Variants in GEN1 observed in about 807,000 individuals in gnomAD.
GEN1 encodes flap endonuclease GEN homolog 1.
Under a neutral mutation model 67.6 loss-of-function variants are expected in GEN1, and 64 were observed. That is an observed-to-expected ratio of 0.95 (90% CI 0.77 to 1.17). The LOEUF (loss-of-function observed/expected upper bound fraction) is 1.17, where lower values mean the gene tolerates loss of function less well. Among genes scored for constraint, GEN1 ranks in the 50% most tolerant of loss-of-function variants. The pLI, the probability that GEN1 is intolerant of heterozygous loss-of-function variation, is 0.00. For missense variants in GEN1, 1,058 were observed against 1,048.3 expected (o/e 1.01, Z -0.13); for synonymous variants, 371 against 359.4 (o/e 1.03, Z -0.37).
At chr2:17,768,211 A>G (rs975674267) in intron 5 of GEN1, among the ~76,000 whole-genome samples, 8 of 152,234 alleles carry the variant, frequency 5.3e-5, no homozygotes, top group Non-Finnish European at 7.4e-5. Flanking sequence ...AGGAATATAC[A>G]TTAAGGCATA....
In GEN1 at chr2:17,761,663, A is replaced by G. The variant is rs374852232; in HGVS notation, c.348+81A>G. 47 of 937,270 alleles carry G rather than the reference A, an allele frequency of 5.0e-5. No homozygotes were observed. The African/African-American group carries it at 6.9e-4, about 14-fold the overall frequency. The allele number at this position is 937,270 out of a possible 1,614,324, so 58.1% of individuals were successfully genotyped here. Reference sequence around the variant, plus strand: ...CTCTTAATAGTTTGTCATCTTTAATACTTATTAATTTTATTGTGACTAGCA... The same window carrying G: ...CTCTTAATAGTTTGTCATCTTTAATGCTTATTAATTTTATTGTGACTAGCA... On this transcript the variant is annotated intron_variant, in intron 3 of 13. Coordinates refer to ENST00000381254, the MANE Select transcript of GEN1 (RefSeq NM_001130009.3).
intron 4 of GEN1, among the ~76,000 whole-genome samples, chr2:17,765,820 T>G (rs928706157): frequency 1.3e-5 from 2 of 152,146 alleles, no homozygotes; most frequent in African/African-American, 4.8e-5. Flanking sequence ...CTACTTTTAC[T>G]TAAAAAACGT....
rs151284068 is a variant in GEN1 at position 17,757,729 on chromosome 2, G to C, written c.-15-2200G>C. On this transcript the variant is annotated intron_variant, in intron 1 of 13. Coordinates refer to ENST00000381254, the MANE Select transcript of GEN1 (RefSeq NM_001130009.3). ...ATATTCAAGTACTTGTAAATTTGCA[G>C]AACAGTACTTTTTAATTTGACCCAT... is the stretch of plus-strand genomic sequence containing the variant. 2.8e-3 allele frequency among the ~76,000 whole-genome samples: 420 copies of C among 152,242 alleles called. 3 individuals are homozygous for C. Among genetic ancestry groups the C allele is most frequent in the African/African-American group, 9.5e-3 (394 of 41,538 alleles).
chr2:17,774,986 CAG>C (rs1466355668), intron 11 of GEN1, among the ~76,000 whole-genome samples: 1 of 151,824 alleles, frequency 6.6e-6, no homozygotes, highest in Non-Finnish European at 1.5e-5. Flanking sequence ...GAAGTGAAGA[CAG>C]ATAAAATATA....
chr2:17,770,793 A>G (rs1020457635), intron 6 of GEN1, among the ~76,000 whole-genome samples: 38 of 151,952 alleles, frequency 2.5e-4, no homozygotes, highest in African/African-American at 8.7e-4. Context: ...TCTTTCTGAT[A>G]TAGAGAAATG....
chr2:17,774,509 C>T (rs913419544), intron 11 of GEN1, 108 bp downstream of exon 11: 6 of 782,326 alleles, frequency 7.7e-6, no homozygotes, highest in African/African-American at 1.8e-5. Context: ...GAGGAAAGGC[C>T]TCCTGGAATA....
At chr2:17,754,540 C>T (rs1022211927) in intron 1 of GEN1, 195 bp downstream of exon 1, 2 of 152,236 alleles carry the variant, frequency 1.3e-5, no homozygotes, top group Non-Finnish European at 2.9e-5. Context: ...CTCGCGAGGG[C>T]CCTGCGTCAC....
chr2:17,781,139 A>G lies in GEN1; in HGVS notation c.1927A>G (p.Ile643Val), dbSNP rs1031268618. Residue 643 changes from isoleucine to valine, a missense_variant, in exon 14 of 14, where the codon ATA becomes GTA. Transcript: ENST00000381254. ...SCESERYTAN[I>V]KKVLDEDSDG... ...TGAATCAGAAAGGTACACTGCAAAC[A>G]TAAAGAAAGTGTTGGATGAGGATTC... 6.2e-7 allele frequency: 1 copy of G among 1,613,998 alleles called. No individual in the cohort carries two copies. Among genetic ancestry groups the G allele is most frequent in the Non-Finnish European group, 8.5e-7 (1 of 1,179,904 alleles).
At chr2:17,759,671 A>T (rs1671584361) in intron 1 of GEN1, among the ~76,000 whole-genome samples, 1 of 152,158 alleles carries the variant, frequency 6.6e-6, no homozygotes, top group Admixed American at 6.5e-5. Flanking sequence ...TCAAGTAGAC[A>T]AAAATGATTT....
intron 4 of GEN1, 172 bp downstream of exon 4, chr2:17,765,245 C>T: frequency 7.0e-6 from 4 of 574,388 alleles, no homozygotes; most frequent in Non-Finnish European, 1.2e-5. Flanking sequence ...TCATTCTCTT[C>T]AAAATGTGGA....
At position 17,760,109 on chromosome 2, in the gene GEN1, A is replaced by T. The variant is rs201006072; in HGVS notation, c.161+5A>T. The T allele has an allele frequency of 1.2e-5, 20 of 1,613,522 alleles. No individual in the cohort carries two copies. The East Asian group carries it at 4.2e-4, about 34-fold the overall frequency. On this transcript the variant is annotated splice_donor_5th_base_variant and intron_variant, in intron 2 of 13. Transcript: ENST00000381254. ...CGTCATGAAGCCCCACCTCAGGTAT[A>T]GTAAAAGCTCTTACAGTATAAATGT...
chr2:17,780,957 A>G lies in GEN1; in HGVS notation c.1745A>G (p.Asp582Gly). The G allele has an allele frequency of 1.2e-6, 2 of 1,613,794 alleles. No homozygotes were observed. Among genetic ancestry groups the G allele is most frequent in the Non-Finnish European group, 1.7e-6 (2 of 1,179,790 alleles). Residue 582 changes from aspartate (D) to glycine (G), a missense_variant, in exon 14 of 14, where the codon GAT becomes GGT. Physicochemically the swap from Asp to Gly is moderately conservative, Grantham distance 94. Transcript: ENST00000381254. ...TSSHNISVIA[D>G]LHLSTIDWEG... Reference sequence around the variant, plus strand: ...TCTCATAATATATCCGTGATTGCTGATCTACACTTGAGCACTATTGACTGG... The same window carrying G: ...TCTCATAATATATCCGTGATTGCTGGTCTACACTTGAGCACTATTGACTGG...
chr2:17,781,905 G>A lies in GEN1; in HGVS notation c.2693G>A (p.Arg898His), dbSNP rs141519917. 23 of 1,566,584 alleles carry A rather than the reference G, an allele frequency of 1.5e-5. No individual in the cohort carries two copies. Among genetic ancestry groups the A allele is most frequent in the African/African-American group, 4.2e-5 (3 of 72,242 alleles). Residue 898 changes from arginine (R) to histidine (H), a missense_variant, in exon 14 of 14, where the codon CGC (arginine) becomes CAC (histidine). Arg to His is a conservative substitution (Grantham distance 29). Coordinates refer to ENST00000381254, the MANE Select transcript of GEN1 (RefSeq NM_001130009.3). ...GTCLDSPLPL[R>H]QRLKLRFQST is the part of the protein sequence containing the mutation. ...TGTTTGGATAGCCCTCTTCCTTTAC[G>A]CCAGAGATTAAAACTAAGATTCCAA...
chr2:17,760,191 T>G, intron 2 of GEN1, 87 bp downstream of exon 2: 1 of 1,273,656 alleles, frequency 7.9e-7, no homozygotes, highest in Non-Finnish European at 1.1e-6. Flanking sequence ...TTTTCTTTTG[T>G]TGTTGTTATT....
intron 1 of GEN1, among the ~76,000 whole-genome samples, chr2:17,757,802 A>G (rs1222375058): frequency 6.6e-6 from 1 of 152,240 alleles, no homozygotes; most frequent in Non-Finnish European, 1.5e-5. Flanking sequence ...GAAGCAAACC[A>G]TCTAAAAAGA....
In GEN1 at chr2:17,781,383, C is replaced by T. The variant is rs776963202; in HGVS notation, c.2171C>T (p.Pro724Leu). ...DCTSHLSKDL[P>L]GIPLQNESRD... Reference sequence around the variant, plus strand: ...ACATCACATCTTTCAAAGGATCTTCCAGGAATTCCCTTGCAAAATGAATCC... The same window carrying T: ...ACATCACATCTTTCAAAGGATCTTCTAGGAATTCCCTTGCAAAATGAATCC... The change falls in exon 14 of 14, where the codon CCA becomes CTA. Residue 724 changes from proline (P) to leucine (L), a missense_variant. Pro to Leu is a moderately conservative substitution (Grantham distance 98, BLOSUM62 -3). Coordinates refer to ENST00000381254, the MANE Select transcript of GEN1 (RefSeq NM_001130009.3). 4 of 1,613,716 alleles carry T rather than the reference C, an allele frequency of 2.5e-6. No individual in the cohort carries two copies.
At chr2:17,777,214 A>G (rs1572415016) in intron 11 of GEN1, among the ~76,000 whole-genome samples, 1 of 152,218 alleles carries the variant, frequency 6.6e-6, no homozygotes, top group Non-Finnish European at 1.5e-5. Flanking sequence ...GTGAATTACA[A>G]GAAACAGTGG....
upstream of GEN1, chr2:17,753,775 T>G (rs1266757364): frequency 1.3e-5 from 2 of 152,148 alleles, no homozygotes; most frequent in African/African-American, 2.4e-5. Context: ...AGAAGGTAGA[T>G]TCCCGGGAGC....
intron 6 of GEN1, among the ~76,000 whole-genome samples, chr2:17,770,327 A>G (rs1032795114): frequency 1.8e-4 from 27 of 152,070 alleles, no homozygotes; most frequent in African/African-American, 6.0e-4. Flanking sequence ...TTGCCGTGCT[A>G]TTCTTTATCT....
Sources: allele counts gnomAD v4.1 joint callset (sites outside exome capture counted in the v4.1 genomes callset), GRCh38; gene constraint gnomAD v4.1.1; transcripts MANE v1.5; gene names NCBI Gene and HGNC (gene_info 2026-07-23, HGNC 2026-07-21).